Variants in DRICH1 observed in about 807,000 individuals in gnomAD.
DRICH1 encodes the protein aspartate rich 1, also known as aspartate-rich protein 1.
DRICH1 carries 38 observed loss-of-function variants against 39.5 expected under a neutral mutation model. The observed-to-expected ratio is 0.96, with a 90% CI of 0.74 to 1.26. DRICH1 has a LOEUF of 1.26. Ranked by LOEUF, DRICH1 falls within the 50% of genes most tolerant of loss-of-function variation. The pLI, the probability that DRICH1 is intolerant of heterozygous loss-of-function variation, is 0.00. For missense variants in DRICH1, 279 were observed against 270.4 expected (o/e 1.03, Z -0.22); for synonymous variants, 84 against 99.5 (o/e 0.84, Z 0.93).
In DRICH1 at chr22:23,614,525, C is replaced by G. The variant is rs540018375; in HGVS notation, c.542-311G>C. Among the ~76,000 whole-genome samples the G allele has an allele frequency of 5.3e-5, 8 of 152,318 alleles. No homozygotes were observed. The South Asian group carries it at 1.2e-3, about 24-fold the overall frequency. On this transcript the variant is annotated intron_variant, in intron 8 of 11. Coordinates refer to ENST00000317749, the MANE Select transcript of DRICH1 (RefSeq NM_016449.4). The stretch of plus-strand genomic sequence containing the variant: ...CCTCCCTCTCAAATGTTTTGAAACT[C>G]TTCAAAACCAACAGGATTTTCTTAA...
the DRICH1 span, among the ~76,000 whole-genome samples, chr22:23,598,346 G>A: frequency 2.0e-5 from 3 of 148,964 alleles, no homozygotes; most frequent in Non-Finnish European, 3.0e-5. Flanking sequence ...ATGGCTGGGG[G>A]TAGGTGAGGG....
Position 23,624,287 on chromosome 22 carries a change from A to G in DRICH1, c.298+596T>C, listed in dbSNP as rs1338407640. On this transcript the variant is annotated intron_variant, in intron 3 of 11. Transcript: ENST00000317749. ...ACAGGCTCTGAGATTTTGCAGTGGC[A>G]CAGGCAGAAAAGAGCAGGTGTTCTC... 7 of 985,206 alleles carry G rather than the reference A, an allele frequency of 7.1e-6. No individual in the cohort carries two copies. In the African/African-American group the frequency reaches 1.2e-4, roughly 17 times the overall value. 61.0% of individuals were successfully genotyped at this position (985,206 alleles called of 1,614,324 possible).
the DRICH1 span, among the ~76,000 whole-genome samples, chr22:23,596,065 C>A: frequency 6.6e-6 from 1 of 152,238 alleles, no homozygotes; most frequent in Non-Finnish European, 1.5e-5. Flanking sequence ...GAGATAGAAA[C>A]TGTCCCTTCA....
intron 1 of DRICH1, among the ~76,000 whole-genome samples, chr22:23,630,414 T>A (rs927856983): frequency 1.1e-4 from 9 of 80,224 alleles, no homozygotes; most frequent in Admixed American, 4.6e-4. Context: ...CTTTCCACAC[T>A]CTCTCTCTCT....
chr22:23,589,089 GACACACACACACACACACAC>G, the DRICH1 span, among the ~76,000 whole-genome samples: 138 of 143,916 alleles, frequency 9.6e-4, 1 homozygote, highest in African/African-American at 3.3e-3. Context: ...TCTCCCAGCT[GACACACACACACACACACAC>G]ACACACACAC....
chr22:23,592,910 T>C, the DRICH1 span, among the ~76,000 whole-genome samples: 269 of 150,268 alleles, frequency 1.8e-3, 1 homozygote, highest in Non-Finnish European at 3.1e-3. Flanking sequence ...CACACACCTG[T>C]AATCCCAGCT....
the DRICH1 span, among the ~76,000 whole-genome samples, chr22:23,601,193 T>C: frequency 1.3e-5 from 2 of 151,074 alleles, no homozygotes; most frequent in Non-Finnish European, 2.9e-5. Flanking sequence ...AACAGCCCAA[T>C]TGTCATTCAA....
At chr22:23,607,037 T>C (rs1926770378), downstream of DRICH1, 2 of 152,858 alleles carry the variant, frequency 1.3e-5, no homozygotes, top group Non-Finnish European at 1.5e-5. Flanking sequence ...TTTCCTGTTG[T>C]GCAGGGGCCC....
At chr22:23,593,080 A>G in the DRICH1 span, among the ~76,000 whole-genome samples, 20 of 152,230 alleles carry the variant, frequency 1.3e-4, no homozygotes, top group African/African-American at 3.6e-4. Context: ...CACAGGTATC[A>G]GACTTGCTAG....
At chr22:23,608,844 A>T in intron 11 of DRICH1, 76 bp from the exon 12 acceptor site, 26 of 1,486,138 alleles carry the variant, frequency 1.7e-5, no homozygotes, top group Non-Finnish European at 2.4e-5. Context: ...CCCACTAAGC[A>T]GCCTCCACGC....
At chr22:23,620,833 A>T (rs1404281586) in intron 4 of DRICH1, among the ~76,000 whole-genome samples, 1 of 152,222 alleles carries the variant, frequency 6.6e-6, no homozygotes, top group African/African-American at 2.4e-5. Flanking sequence ...TGGTATCTTT[A>T]AGGCTATTGA....
At chr22:23,615,190 A>C (rs1035111020) in intron 8 of DRICH1, among the ~76,000 whole-genome samples, 1 of 152,178 alleles carries the variant, frequency 6.6e-6, no homozygotes, top group African/African-American at 2.4e-5. Flanking sequence ...CCTGGCCAAC[A>C]TGGTAAAACC....
chr22:23,621,931 A>AAAAAG (rs998424490), intron 4 of DRICH1, among the ~76,000 whole-genome samples, 160 bp downstream of exon 4: 3 of 152,124 alleles, frequency 2.0e-5, no homozygotes, highest in Non-Finnish European at 2.9e-5. Flanking sequence ...AACAAAACAA[A>AAAAAG]AAAAGAAAAG....
At chr22:23,610,072 T>C (rs1380029334) in intron 11 of DRICH1, among the ~76,000 whole-genome samples, 2 of 152,126 alleles carry the variant, frequency 1.3e-5, no homozygotes, top group Non-Finnish European at 2.9e-5. Context: ...ACAAGCTCTG[T>C]TGCCCTGGCC....
chr22:23,622,810 T>C (rs1481529642), intron 3 of DRICH1, among the ~76,000 whole-genome samples: 1 of 151,292 alleles, frequency 6.6e-6, no homozygotes, highest in African/African-American at 2.5e-5. Flanking sequence ...ATCAGCTCTG[T>C]GTCACTCTCC....
intron 9 of DRICH1, 105 bp downstream of exon 9, chr22:23,614,030 G>A (rs1927198110): frequency 2.6e-6 from 2 of 779,024 alleles, no homozygotes; most frequent in East Asian, 2.6e-5. Flanking sequence ...ATAGTGTACA[G>A]TGTACATAAT....
chr22:23,582,574 T>TTATTA, the DRICH1 span, among the ~76,000 whole-genome samples: 1 of 149,782 alleles, frequency 6.7e-6, no homozygotes. Flanking sequence ...ATTATTATTA[T>TTATTA]TATTATTTTG....
the DRICH1 span, chr22:23,581,109 T>C: frequency 6.6e-6 from 1 of 152,368 alleles, no homozygotes; most frequent in East Asian, 1.9e-4. Flanking sequence ...AGTGAGAACA[T>C]GGAAGATCTA....
the DRICH1 span, among the ~76,000 whole-genome samples, chr22:23,589,113 C>T: frequency 1.3e-5 from 2 of 151,546 alleles, no homozygotes; most frequent in Non-Finnish European, 2.9e-5. Context: ...CACACACACA[C>T]ACACACACAC....
Sources: allele counts gnomAD v4.1 joint callset (sites outside exome capture counted in the v4.1 genomes callset), GRCh38; gene constraint gnomAD v4.1.1; transcripts MANE v1.5; gene names NCBI Gene and HGNC (gene_info 2026-07-23, HGNC 2026-07-21).